The following TEK variants were observed in gnomAD, a reference collection of about 807,000 sequenced individuals.
The protein encoded by TEK is TEK receptor tyrosine kinase.
In TEK, 43 loss-of-function variants were observed where a neutral mutation model predicts 131.8. That is an observed-to-expected ratio of 0.33 (90% confidence interval 0.26 to 0.42). The LOEUF (loss-of-function observed/expected upper bound fraction) is 0.42. TEK is among the 10% of genes least tolerant of loss of function. TEK has a pLI of 1.00. For synonymous variants in TEK, 580 were observed against 491.6 expected, an observed-to-expected ratio of 1.18 and a Z score of -2.38; for missense variants, 1,162 against 1,384.4, an observed-to-expected ratio of 0.84 and a Z score of 2.55.
chr9:27,159,457 G>A (rs911600), intron 2 of TEK, among the ~76,000 whole-genome samples: 1 of 152,192 alleles, frequency 6.6e-6, no homozygotes, highest in African/African-American at 2.4e-5. Flanking sequence ...GAGGGATGAA[G>A]AATTAGGGCC....
intron 10 of TEK, among the ~76,000 whole-genome samples, chr9:27,192,175 C>T (rs1014716825): frequency 6.6e-6 from 1 of 152,052 alleles, no homozygotes; most frequent in African/African-American, 2.4e-5. Context: ...TTGAGTATTC[C>T]CCCAATCTGG....
chr9:27,137,855 T>C (rs1489441913), intron 1 of TEK, among the ~76,000 whole-genome samples: 1 of 152,170 alleles, frequency 6.6e-6, no homozygotes, highest in Non-Finnish European at 1.5e-5. Context: ...GTCCGGAATT[T>C]ATTCATTCCG....
intron 1 of TEK, among the ~76,000 whole-genome samples, chr9:27,142,869 G>T (rs1403493435): frequency 6.6e-6 from 1 of 152,192 alleles, no homozygotes; most frequent in African/African-American, 2.4e-5. Context: ...GTGGTTGTGA[G>T]AACTCATTAA....
chr9:27,128,634 G>A (rs1295007140), intron 1 of TEK, among the ~76,000 whole-genome samples: 2 of 152,138 alleles, frequency 1.3e-5, no homozygotes, highest in Non-Finnish European at 2.9e-5. Flanking sequence ...CCATTTGTTT[G>A]TGTCCTTTTT....
rs1825411985 is a variant in TEK, at chr9:27,206,689, C to A, written c.2472C>A (p.Ile824=). 2 of 1,614,068 alleles carry A rather than the reference C, an allele frequency of 1.2e-6. No homozygotes were observed. The highest frequency in any genetic ancestry group is 1.7e-6 in the Non-Finnish European group (2 of 1,179,990). Residue 824 remains isoleucine, a synonymous_variant, in exon 15 of 23, where the codon ATC becomes ATA. Transcript: ENST00000380036. ...TIYPVLDWND[I]KFQDVIGEGN... ...ATCCAGTGCTTGACTGGAATGACAT[C>A]AAATTTCAAGATGTGATTGGGGAGG... is the stretch of plus-strand genomic sequence containing the variant.
rs1473190952 is a variant in TEK at position 27,229,249 on chromosome 9, A to G, written c.*17A>G. 4.3e-6 allele frequency: 7 copies of G among 1,612,896 alleles called. No individual in the cohort carries two copies. The highest frequency in any genetic ancestry group is 3.4e-6 in the Non-Finnish European group (4 of 1,178,966). On this transcript the variant is annotated 3_prime_UTR_variant, in exon 23 of 23. Coordinates refer to ENST00000380036, the MANE Select transcript of TEK (RefSeq NM_000459.5). ...GCGGCCTAGGACAGAACATCTGTAT[A>G]CCCTCTGTTTCCCTTTCACTGGCAT...
chr9:27,159,767 A>T (rs1460731662), intron 2 of TEK, among the ~76,000 whole-genome samples: 1 of 152,200 alleles, frequency 6.6e-6, no homozygotes, highest in East Asian at 1.9e-4. Flanking sequence ...AGTCCTGGAC[A>T]GGCAGGCAGA....
Position 27,180,363 on chromosome 9 carries a change from G to C in TEK, c.1025G>C (p.Arg342Thr), listed in dbSNP as rs373027386. 2.5e-6 allele frequency: 4 copies of C among 1,613,076 alleles called. No homozygotes were observed. Among genetic ancestry groups the C allele is most frequent in the African/African-American group, 1.3e-5 (1 of 75,028 alleles). ...SPGWQGLQCEREGIQRMTPKI... is the reference protein window; with the variant it reads ...SPGWQGLQCETEGIQRMTPKI... ...GGATGGCAGGGGCTCCAGTGTGAGA[G>C]AGAAGGTAAAGCAAGGTAACACTGT... The change falls in exon 7 of 23, where the codon AGA becomes ACA. Residue 342 changes from arginine to threonine, a missense_variant. Coordinates refer to ENST00000380036, the MANE Select transcript of TEK (RefSeq NM_000459.5).
In TEK at chr9:27,212,793, G is replaced by A. The variant is rs138463877; in HGVS notation, c.2773G>A (p.Ala925Thr). The change falls in exon 17 of 23, where the codon GCA becomes ACA. Residue 925 changes from alanine (A) to threonine (T), a missense_variant. Physicochemically the swap from Ala to Thr is moderately conservative, Grantham distance 58 (BLOSUM62 0). Transcript: ENST00000380036. ...RKSRVLETDP[A>T]FAIANSTAST... The stretch of plus-strand genomic sequence containing the variant: ...GAGCCGTGTGCTGGAGACGGACCCA[G>A]CATTTGCCATTGCCAATAGCACCGC... The A allele has an allele frequency of 8.4e-5, 136 of 1,613,934 alleles. No individual in the cohort carries two copies. The highest frequency in any genetic ancestry group is 1.1e-4 in the Non-Finnish European group (129 of 1,180,022).
chr9:27,225,303 C>A (rs1182092428), intron 21 of TEK, among the ~76,000 whole-genome samples: 11 of 152,134 alleles, frequency 7.2e-5, no homozygotes, highest in African/African-American at 2.7e-4. Context: ...GCAAAAAGAA[C>A]AAAACTGGAG....
At chr9:27,207,434 A>G (rs1825437497) in intron 15 of TEK, among the ~76,000 whole-genome samples, 2 of 152,334 alleles carry the variant, frequency 1.3e-5, no homozygotes, top group African/African-American at 4.8e-5. Context: ...GTTTGCAGAG[A>G]AAACCACTGA....
intron 1 of TEK, among the ~76,000 whole-genome samples, chr9:27,139,114 G>A (rs1362915287): frequency 2.7e-5 from 4 of 149,512 alleles, no homozygotes; most frequent in African/African-American, 9.8e-5. Context: ...GAGGGAGGCT[G>A]AGGCAGGAGA....
chr9:27,229,541 C>A lies in TEK; in HGVS notation c.*309C>A. On this transcript the variant is annotated 3_prime_UTR_variant, in exon 23 of 23. Transcript: ENST00000380036. ...AGGCGTGAGTACAATTAGTATAATG[C>A]ATAACTCATTGTTGTCCTAGATATT... 1 of 394,626 alleles carries A rather than the reference C, an allele frequency of 2.5e-6. No individual in the cohort carries two copies. Among genetic ancestry groups the A allele is most frequent in the East Asian group, 5.1e-5 (1 of 19,558 alleles). 24.4% of individuals were successfully genotyped at this position (394,626 alleles called of 1,614,324 possible).
At position 27,118,257 on chromosome 9, in the gene TEK, A is replaced by T. The variant is rs1821644494; in HGVS notation, c.52+8615A>T. Among the ~76,000 whole-genome samples the T allele has an allele frequency of 3.3e-5, 5 of 152,206 alleles. No homozygotes were observed. In the South Asian group the frequency reaches 1.0e-3, roughly 32 times the overall value. ...TAAATATGATTTTTAATATTTCACA[A>T]CTTTACACTATAGGTATTATTATTT... On this transcript the variant is annotated intron_variant, in intron 1 of 22. Transcript: ENST00000380036.
At chr9:27,220,881 A>G (rs1826039063) in intron 21 of TEK, among the ~76,000 whole-genome samples, 2 of 152,228 alleles carry the variant, frequency 1.3e-5, no homozygotes, top group Non-Finnish European at 2.9e-5. Context: ...AGCTAGCTGC[A>G]GGAGTTTCTT....
intron 1 of TEK, among the ~76,000 whole-genome samples, chr9:27,138,057 G>C (rs1822560721): frequency 1.3e-5 from 2 of 151,962 alleles, no homozygotes; most frequent in South Asian, 2.1e-4. Context: ...GGCGCATCCA[G>C]AGTTGTTTGT....
intron 1 of TEK, among the ~76,000 whole-genome samples, chr9:27,115,823 T>C (rs980647452): frequency 6.6e-6 from 1 of 152,204 alleles, no homozygotes; most frequent in African/African-American, 2.4e-5. Context: ...TGAGTGAAGC[T>C]GTAATGTAGG....
chr9:27,134,771 A>C (rs754527894), intron 1 of TEK, among the ~76,000 whole-genome samples: 9 of 152,318 alleles, frequency 5.9e-5, no homozygotes, highest in Non-Finnish European at 1.0e-4. Context: ...ACTAGAAGTC[A>C]AGTCCATTTA....
intron 12 of TEK, among the ~76,000 whole-genome samples, chr9:27,202,474 T>A (rs995841185): frequency 1.3e-5 from 2 of 152,196 alleles, no homozygotes; most frequent in African/African-American, 4.8e-5. Context: ...AGAGACTAGA[T>A]CAATGCCTGC....
Sources: gnomAD v4.1 joint callset for allele counts (sites outside exome capture counted in the v4.1 genomes callset) on GRCh38, gnomAD v4.1.1 for gene constraint, MANE v1.5 for transcripts, NCBI Gene and HGNC (gene_info 2026-07-23, HGNC 2026-07-21) for gene names.